The following POLR2J variants were observed in gnomAD, a reference collection of about 807,000 sequenced individuals.
POLR2J encodes RNA polymerase II subunit J, also known as DNA-directed RNA polymerase II subunit RPB11-a.
POLR2J carries 12 observed loss-of-function variants against 13.4 expected under a neutral mutation model. The observed-to-expected ratio is 0.90, with a 90% confidence interval of 0.57 to 1.45. POLR2J has a LOEUF of 1.45. POLR2J is among the 40% of genes most tolerant of loss of function. The probability of loss-of-function intolerance (pLI) is 0.00; values close to 1 mark genes in which losing one functional copy is unlikely to be tolerated. For synonymous variants in POLR2J, 31 were observed against 53.6 expected (o/e 0.58, Z 1.84); for missense variants, 58 against 132.0 (o/e 0.44, Z 2.75).
At chr7:102,475,937 C>CAAAAA (rs149096965) in intron 2 of POLR2J, among the ~76,000 whole-genome samples, 2 of 81,028 alleles carry the variant, frequency 2.5e-5, no homozygotes, top group Non-Finnish European at 7.0e-5. Flanking sequence ...AACAAACAAA[C>CAAAAA]AAACAGTGAA....
Position 102,473,833 on chromosome 7 carries a change from T to TGC in POLR2J, c.319-150_319-149insGC, listed in dbSNP as rs1798323266. The TGC allele has an allele frequency of 1.2e-5, 18 of 1,459,400 alleles. No individual in the cohort carries two copies. In the East Asian group the frequency reaches 4.5e-4, roughly 36 times the overall value. The allele number at this position is 1,459,400 out of a possible 1,614,324, so 90.4% of individuals were successfully genotyped here. ...GGACAGTGGAGCAGCCAAAGGGCCC[T>TGC]CCCAGCTGGCCCAATCCAGCCATTC... On this transcript the variant is annotated intron_variant, in intron 3 of 3. Coordinates refer to ENST00000292614, the MANE Select transcript of POLR2J (RefSeq NM_006234.6).
rs1259308733 is a variant in POLR2J at position 102,473,237 on chromosome 7, G to C, written c.*412C>G. The C allele has an allele frequency of 9.8e-6, 7 of 710,822 alleles. No homozygotes were observed. In the East Asian group the frequency reaches 1.4e-4, roughly 14 times the overall value. The allele number at this position is 710,822 out of a possible 1,614,324, so 44.0% of individuals were successfully genotyped here. On this transcript the variant is annotated 3_prime_UTR_variant, in exon 4 of 4. Transcript: ENST00000292614. Reference sequence around the variant, plus strand: ...TGCTTTGACTGACAGGCAGGCCCAGGAGTTGAGGCTTCTAGAGCAGAGACT... The same window carrying C: ...TGCTTTGACTGACAGGCAGGCCCAGCAGTTGAGGCTTCTAGAGCAGAGACT...
chr7:102,478,785 C>G, intron 1 of POLR2J, 23 bp downstream of exon 1: 1 of 1,610,214 alleles, frequency 6.2e-7, no homozygotes, highest in Non-Finnish European at 8.5e-7. Context: ...GCACCTCGGC[C>G]CGCCGCAGCC....
chr7:102,473,374 C>A lies in POLR2J; in HGVS notation c.*275G>T. 3.4e-6 allele frequency: 2 copies of A among 583,658 alleles called. No individual in the cohort carries two copies. The highest frequency in any genetic ancestry group is 3.3e-5 in the Admixed American group (1 of 30,600). 36.2% of individuals were successfully genotyped at this position (583,658 alleles called of 1,614,324 possible). On this transcript the variant is annotated 3_prime_UTR_variant, in exon 4 of 4. Transcript: ENST00000292614. ...TGAATTCATCCCTGCCAGCCGGACG[C>A]CCCTGAAACAGGTCATCTGCCTGCA...
rs554459534 is a variant in POLR2J at position 102,473,258 on chromosome 7, A to G, written c.*391T>C. ...CCAGGAGTTGAGGCTTCTAGAGCAGAGACTCTTGGGAGCTCATGGGTTTGC... is the reference window on the plus strand; with the variant it reads ...CCAGGAGTTGAGGCTTCTAGAGCAGGGACTCTTGGGAGCTCATGGGTTTGC... On this transcript the variant is annotated 3_prime_UTR_variant, in exon 4 of 4. Coordinates refer to ENST00000292614, the MANE Select transcript of POLR2J (RefSeq NM_006234.6). 6.9e-5 allele frequency: 45 copies of G among 651,140 alleles called. No individual in the cohort carries two copies. In the African/African-American group the frequency reaches 7.5e-4, roughly 11 times the overall value. The allele number at this position is 651,140 out of a possible 1,614,324, so 40.3% of individuals were successfully genotyped here. A position where few individuals can be genotyped will look rare whatever the true frequency, so the allele number is the denominator to read the frequency against.
intron 2 of POLR2J, among the ~76,000 whole-genome samples, chr7:102,475,532 C>CTAAT (rs1798403237): frequency 6.6e-6 from 1 of 152,206 alleles, no homozygotes; most frequent in African/African-American, 2.4e-5. Context: ...ATGAGGGGAG[C>CTAAT]TAATCTTGAC....
rs751940625 is a variant in POLR2J at position 102,478,797 on chromosome 7, G to A, written c.53+11C>T. The A allele has an allele frequency of 2.5e-6, 4 of 1,610,756 alleles. No individual in the cohort carries two copies. The Admixed American group carries it at 5.0e-5, about 20-fold the overall frequency. On this transcript the variant is annotated intron_variant, in intron 1 of 3. Coordinates refer to ENST00000292614, the MANE Select transcript of POLR2J (RefSeq NM_006234.6). ...CGCGCACCTCGGCCCGCCGCAGCCG[G>A]CGTCACTTACTTCTTCTCGCCCTCG...
chr7:102,475,704 C>T (rs1255293061), intron 2 of POLR2J, among the ~76,000 whole-genome samples: 9 of 152,226 alleles, frequency 5.9e-5, no homozygotes, highest in Non-Finnish European at 1.3e-4. Context: ...GGTGGATCAC[C>T]TGAGGTCAGG....
chr7:102,475,594 A>C (rs1798406046), intron 2 of POLR2J, among the ~76,000 whole-genome samples: 1 of 152,276 alleles, frequency 6.6e-6, no homozygotes, highest in Non-Finnish European at 1.5e-5. Flanking sequence ...CTGTGCTGGA[A>C]TCTGCTGCTC....
chr7:102,474,041 A>T, intron 3 of POLR2J: 1 of 1,447,052 alleles, frequency 6.9e-7, no homozygotes, highest in South Asian at 1.5e-5. Context: ...ACCTGGAAGG[A>T]CCAGGCCTTG....
intron 3 of POLR2J, 158 bp from the exon 4 acceptor site, chr7:102,473,842 G>C: frequency 6.9e-7 from 1 of 1,451,250 alleles, no homozygotes; most frequent in Non-Finnish European, 9.0e-7. Flanking sequence ...CTCCCAGCTG[G>C]CCCAATCCAG....
At chr7:102,475,223 G>C (rs1798394319) in intron 2 of POLR2J, among the ~76,000 whole-genome samples, 1 of 152,262 alleles carries the variant, frequency 6.6e-6, no homozygotes, top group African/African-American at 2.4e-5. Context: ...CCAGGAGACT[G>C]GGCAGACCCC....
At position 102,478,907 on chromosome 7, in the gene POLR2J, C is replaced by G; in HGVS notation, c.-47G>C. 1.2e-6 allele frequency: 2 copies of G among 1,609,126 alleles called. No individual in the cohort carries two copies. The highest frequency in any genetic ancestry group is 1.7e-6 in the Non-Finnish European group (2 of 1,179,116). ...AGACCCCAAGGGTCCGCCGCCGCCG[C>G]CACCAGAGCCCTAATAAGAGGCCTC... On this transcript the variant is annotated 5_prime_UTR_variant, in exon 1 of 4. Coordinates refer to ENST00000292614, the MANE Select transcript of POLR2J (RefSeq NM_006234.6).
chr7:102,473,163 CAAG>C lies in POLR2J; in HGVS notation c.*483_*485del. ...TATTTTTATTAAACTCTACTGTGGA[CAAG>C]AAGCCTGTGGAAAGGTGTTTCGAGT... On this transcript the variant is annotated 3_prime_UTR_variant, in exon 4 of 4. Coordinates refer to ENST00000292614, the MANE Select transcript of POLR2J (RefSeq NM_006234.6). 2.4e-6 allele frequency: 3 copies of C among 1,232,090 alleles called. No homozygotes were observed. The highest frequency in any genetic ancestry group is 3.4e-6 in the Non-Finnish European group (3 of 893,870). 76.3% of individuals were successfully genotyped at this position (1,232,090 alleles called of 1,614,324 possible).
At chr7:102,476,390 G>C (rs1412837819) in intron 1 of POLR2J, 120 bp from the exon 2 acceptor site, 1 of 583,268 alleles carries the variant, frequency 1.7e-6, no homozygotes, top group African/African-American at 1.9e-5. Flanking sequence ...CAACACTTTG[G>C]GAGGCTGAGG....
chr7:102,475,329 A>C (rs1179442485), intron 2 of POLR2J, among the ~76,000 whole-genome samples: 1 of 152,252 alleles, frequency 6.6e-6, no homozygotes, highest in Non-Finnish European at 1.5e-5. Flanking sequence ...AGAATGGCAG[A>C]CACATCCCTG....
intron 1 of POLR2J, among the ~76,000 whole-genome samples, chr7:102,478,486 G>C (rs1798487849): frequency 1.3e-5 from 2 of 151,862 alleles, no homozygotes; most frequent in South Asian, 2.1e-4. Flanking sequence ...TGGAGGTGGC[G>C]GGCGAGAGAC....
intron 3 of POLR2J, 22 bp downstream of exon 3, chr7:102,474,339 C>G: frequency 6.2e-7 from 1 of 1,611,844 alleles, no homozygotes; most frequent in Non-Finnish European, 8.5e-7. Context: ...ACCCCGTCTG[C>G]CCCTCCAGGC....
intron 3 of POLR2J, 62 bp downstream of exon 3, chr7:102,474,299 G>A (rs1206862862): frequency 3.1e-6 from 5 of 1,611,318 alleles, no homozygotes; most frequent in Non-Finnish European, 4.2e-6. Flanking sequence ...GGCTGTCCCA[G>A]GCCTGGGCAC....
Sources: gnomAD v4.1 joint callset for allele counts (sites outside exome capture counted in the v4.1 genomes callset) on GRCh38, gnomAD v4.1.1 for gene constraint, MANE v1.5 for transcripts, NCBI Gene and HGNC (gene_info 2026-07-23, HGNC 2026-07-21) for gene names.